ARMC8: variants seen among roughly 807,000 people sequenced by gnomAD.
The protein encoded by ARMC8 is armadillo repeat-containing protein 8.
ARMC8 carries 20 observed loss-of-function variants against 99.3 expected under a neutral mutation model. That is an observed-to-expected ratio of 0.20 (90% CI 0.14 to 0.29). The LOEUF is 0.29. Ranked by LOEUF, ARMC8 falls within the 10% of genes least tolerant of loss-of-function variation. The pLI is 1.00. For synonymous variants in ARMC8, 263 were observed against 278.3 expected, an observed-to-expected ratio of 0.95 and a Z score of 0.55; for missense variants, 569 against 809.5, an observed-to-expected ratio of 0.70 and a Z score of 3.60.
rs1375485712 is a variant in ARMC8 at position 138,286,297 on chromosome 3, G to T, written c.1821+1771G>T. Among the ~76,000 whole-genome samples the T allele has an allele frequency of 2.6e-5, 4 of 152,148 alleles. No homozygotes were observed. In the East Asian group the frequency reaches 7.7e-4, roughly 29 times the overall value. ...TTCTGTACATACGGCCTCCTCCTCT[G>T]CCTCTAAAGTCATTTTTTAACCTCC... On this transcript the variant is annotated intron_variant, in intron 19 of 21. Coordinates refer to ENST00000469044, the MANE Select transcript of ARMC8 (RefSeq NM_001363941.2).
Position 138,228,989 on chromosome 3 carries a change from G to C in ARMC8, c.507G>C (p.Gln169His), listed in dbSNP as rs1161039745. 6 of 1,609,434 alleles carry C rather than the reference G, an allele frequency of 3.7e-6. No individual in the cohort carries two copies. The South Asian group carries it at 6.6e-5, about 18-fold the overall frequency. ...GCTATACCCAGGAGTACATCTGTCA[G>C]ATCTTCTCACACTGCTGTAAAGTAA... ...RSRYTQEYIC[Q>H]IFSHCCKGPD... The change falls in exon 6 of 22, where the codon CAG becomes CAC. Residue 169 changes from glutamine (Q) to histidine (H), a missense_variant. Physicochemically the swap from Gln to His is conservative, Grantham distance 24 (BLOSUM62 0). Around this residue, in one of 2 missense-constraint regions of ARMC8, gnomAD observed 342 missense variants for 391.6 expected, o/e 0.87. Coordinates refer to ENST00000469044, the MANE Select transcript of ARMC8 (RefSeq NM_001363941.2).
chr3:138,273,349 C>T (rs2048962041), intron 17 of ARMC8, among the ~76,000 whole-genome samples: 1 of 152,222 alleles, frequency 6.6e-6, no homozygotes, highest in South Asian at 2.1e-4. Flanking sequence ...TCCTGTCTCC[C>T]TCTAATCCCT....
Position 138,237,396 on chromosome 3 carries a change from C to T in ARMC8, c.685+12C>T. 6.2e-7 allele frequency: 1 copy of T among 1,612,390 alleles called. No individual in the cohort carries two copies. Among genetic ancestry groups the T allele is most frequent in the African/African-American group, 1.3e-5 (1 of 74,882 alleles). ...GACCCTGGTAAATGGTAGGCTGGAG[C>T]TTTCAGTGGCACCTACATGATTTAA... On this transcript the variant is annotated intron_variant, in intron 8 of 21. Transcript: ENST00000469044.
At chr3:138,206,537 C>T (rs1286894169) in intron 1 of ARMC8, among the ~76,000 whole-genome samples, 3 of 152,174 alleles carry the variant, frequency 2.0e-5, no homozygotes, top group Admixed American at 1.3e-4. Flanking sequence ...AAGCTCTACC[C>T]CTAGGTAGGT....
chr3:138,268,317 A>G (rs1291440033), intron 15 of ARMC8, among the ~76,000 whole-genome samples: 1 of 152,190 alleles, frequency 6.6e-6, no homozygotes, highest in Non-Finnish European at 1.5e-5. Flanking sequence ...CTTGGAACAA[A>G]CAGGGCAAGA....
intron 2 of ARMC8, among the ~76,000 whole-genome samples, chr3:138,215,506 G>A (rs1162290356): frequency 3.3e-5 from 5 of 152,080 alleles, no homozygotes; most frequent in Admixed American, 1.3e-4. Flanking sequence ...ATGAGCCACC[G>A]TGTCCGGCTA....
chr3:138,217,401 C>CTT (rs753393123), intron 2 of ARMC8, among the ~76,000 whole-genome samples: 30 of 135,918 alleles, frequency 2.2e-4, no homozygotes, highest in South Asian at 7.0e-4. Flanking sequence ...GGTCTAGATC[C>CTT]TTTTTTTTTT....
chr3:138,188,654 T>A, intron 1 of ARMC8: 1 of 1,307,236 alleles, frequency 7.6e-7, no homozygotes, highest in Non-Finnish European at 1.1e-6. Context: ...AAATGACTTG[T>A]CGGGTTCCTA....
At chr3:138,215,639 A>C (rs1348088441) in intron 2 of ARMC8, among the ~76,000 whole-genome samples, 1 of 152,126 alleles carries the variant, frequency 6.6e-6, no homozygotes, top group Non-Finnish European at 1.5e-5. Flanking sequence ...ATATCTACCA[A>C]AATATTTTGG....
At chr3:138,191,708 C>T (rs1437387203) in intron 1 of ARMC8, among the ~76,000 whole-genome samples, 1 of 152,198 alleles carries the variant, frequency 6.6e-6, no homozygotes, top group African/African-American at 2.4e-5. Context: ...TGTTCTCCAT[C>T]TCTATAATGT....
Position 138,274,517 on chromosome 3 carries a change from G to A in ARMC8, c.1698G>A (p.Gly566=), listed in dbSNP as rs780728577. Residue 566 remains glycine, a synonymous_variant, in exon 18 of 22, where the codon GGG becomes GGA. Transcript: ENST00000469044. The part of the protein sequence containing the change: ...IMQAVTLILE[G]EHNIEVKEQT... ...AAGCCGTCACTCTTATTCTAGAAGGGGAACATAACATTGAGGTCAAAGAGC... is the reference window on the plus strand; with the variant it reads ...AAGCCGTCACTCTTATTCTAGAAGGAGAACATAACATTGAGGTCAAAGAGC... The A allele has an allele frequency of 2.3e-5, 37 of 1,612,860 alleles. No homozygotes were observed. Among genetic ancestry groups the A allele is most frequent in the Non-Finnish European group, 3.1e-5 (36 of 1,179,188 alleles).
intron 1 of ARMC8, among the ~76,000 whole-genome samples, chr3:138,197,879 G>C (rs939117547): frequency 6.6e-6 from 1 of 152,182 alleles, no homozygotes; most frequent in Non-Finnish European, 1.5e-5. Context: ...GAGCCAGATA[G>C]CTCTTTATGA....
intron 18 of ARMC8, among the ~76,000 whole-genome samples, chr3:138,275,660 T>C (rs2049219698): frequency 6.6e-6 from 1 of 152,200 alleles, no homozygotes; most frequent in African/African-American, 2.4e-5. Flanking sequence ...AGAGTCTAAC[T>C]TCAGGGGCTG....
chr3:138,212,308 CTTTTTTTT>C lies in ARMC8; in HGVS notation c.122+2426_122+2433del, dbSNP rs898136861. The stretch of plus-strand genomic sequence containing the variant: ...TCAACATTATCTGTCTTTAAGTAAT[CTTTTTTTT>C]TTTTTTTTTTGAGACGGAGTTTCAC... On this transcript the variant is annotated intron_variant, in intron 2 of 21. Coordinates refer to ENST00000469044, the MANE Select transcript of ARMC8 (RefSeq NM_001363941.2). 1.2e-4 allele frequency among the ~76,000 whole-genome samples: 16 copies of C among 131,718 alleles called. No homozygotes were observed. In the East Asian group the frequency reaches 3.4e-3, roughly 28 times the overall value. The allele number at this position is 131,718 out of a possible 152,430, so 86.4% of individuals were successfully genotyped here.
chr3:138,290,264 A>G (rs575557793), intron 20 of ARMC8, among the ~76,000 whole-genome samples: 4 of 152,310 alleles, frequency 2.6e-5, no homozygotes, highest in African/African-American at 9.6e-5. Flanking sequence ...TACCAGGCTG[A>G]AGAATCTCAC....
chr3:138,223,556 C>T (rs764599743), intron 4 of ARMC8, 25 bp downstream of exon 4: 2 of 1,613,892 alleles, frequency 1.2e-6, no homozygotes, highest in South Asian at 1.1e-5. Flanking sequence ...CATTTTTGCT[C>T]AATTAAGGTT....
At chr3:138,188,272 T>C in intron 1 of ARMC8, 1 of 787,552 alleles carries the variant, frequency 1.3e-6, no homozygotes, top group South Asian at 2.2e-5. Context: ...TGGTATTCCG[T>C]TTTTCTTTAA....
At chr3:138,208,893 G>T (rs971095900) in intron 1 of ARMC8, among the ~76,000 whole-genome samples, 7 of 152,188 alleles carry the variant, frequency 4.6e-5, no homozygotes, top group African/African-American at 7.2e-5. Context: ...TCTTCCCTTT[G>T]TACTCTTTCT....
chr3:138,190,606 A>G (rs1044956026), intron 1 of ARMC8, among the ~76,000 whole-genome samples: 5 of 152,164 alleles, frequency 3.3e-5, no homozygotes, highest in South Asian at 2.1e-4. Flanking sequence ...TTTATCTTCT[A>G]CATGAACCTG....
Sources: allele counts gnomAD v4.1 joint callset (sites outside exome capture counted in the v4.1 genomes callset), GRCh38; gene constraint gnomAD v4.1.1; regional missense constraint gnomAD v4.1.1; transcripts MANE v1.5; gene names NCBI Gene and HGNC (gene_info 2026-07-23, HGNC 2026-07-21).